C17orf113: variants seen among roughly 807,000 people sequenced by gnomAD.
The protein encoded by C17orf113 is uncharacterized protein C17orf113.
In C17orf113, 5 loss-of-function variants were observed where a neutral mutation model predicts 11.6. The ratio of observed to expected loss-of-function variants is 0.43; its 90% CI spans 0.23 to 0.91. The LOEUF is 0.91. C17orf113 is among the 40% of genes least tolerant of loss of function. C17orf113 has a pLI of 0.26. For synonymous variants in C17orf113, 327 were observed against 390.6 expected, an observed-to-expected ratio of 0.84 and a Z score of 1.92; for missense variants, 714 against 841.3, an observed-to-expected ratio of 0.85 and a Z score of 1.87.
rs2053251472 is a variant in C17orf113 at position 42,050,169 on chromosome 17, AG to A, written c.-188+387del. Among the ~76,000 whole-genome samples the A allele has an allele frequency of 6.9e-6, 1 of 144,218 alleles. No homozygotes were observed. The highest frequency in any genetic ancestry group is 7.4e-5 in the Admixed American group (1 of 13,528). 94.6% of individuals were successfully genotyped at this position (144,218 alleles called of 152,430 possible). On this transcript the variant is annotated intron_variant, in intron 1 of 2. Transcript: ENST00000587304. The surrounding 1 kb of genome is among the most constrained non-coding windows in gnomAD (Gnocchi z 5.6). ...ACACCCTGACCAGCCGGATGGGAGC[AG>A]GAACAACTTGACAAGGACCCCAAGG...
intron 2 of C17orf113, 65 bp downstream of exon 2, chr17:42,042,769 G>T: frequency 8.5e-7 from 1 of 1,182,860 alleles, no homozygotes; most frequent in Non-Finnish European, 1.1e-6. Flanking sequence ...TGCTGGGGCT[G>T]TTCCCAGGTG....
intron 1 of C17orf113, among the ~76,000 whole-genome samples, chr17:42,044,779 C>T (rs2053115270): frequency 6.6e-6 from 1 of 152,160 alleles, no homozygotes; most frequent in Admixed American, 6.6e-5. Flanking sequence ...TAGCCCAGAC[C>T]TGGGGCCTCA....
At position 42,039,508 on chromosome 17, in the gene C17orf113, C is replaced by T. The variant is rs2052951466; in HGVS notation, c.*197G>A. On this transcript the variant is annotated 3_prime_UTR_variant, in exon 3 of 3. Coordinates refer to ENST00000587304, the MANE Select transcript of C17orf113 (RefSeq NM_001358661.2). The stretch of plus-strand genomic sequence containing the variant: ...TCTCTGCCCACCCGCCCAGGCCCCT[C>T]TTGAGCCAGTCCCTTCCTCCACAGC... The T allele has an allele frequency of 2.4e-6, 1 of 416,232 alleles. No individual in the cohort carries two copies. Among genetic ancestry groups the T allele is most frequent in the Non-Finnish European group, 4.0e-6 (1 of 249,522 alleles). The allele number at this position is 416,232 out of a possible 1,614,324, so 25.8% of individuals were successfully genotyped here. A position where few individuals can be genotyped will look rare whatever the true frequency, so the allele number is the denominator to read the frequency against.
chr17:42,041,567 A>G (rs1329765480), intron 2 of C17orf113, among the ~76,000 whole-genome samples: 1 of 152,182 alleles, frequency 6.6e-6, no homozygotes, highest in Non-Finnish European at 1.5e-5. Flanking sequence ...ATGAATCATA[A>G]AGAGCTCTAG....
rs551613729 is a variant in C17orf113, at chr17:42,042,713, T to C, written c.543+121A>G. The C allele has an allele frequency of 1.4e-5, 10 of 708,928 alleles. No individual in the cohort carries two copies. The African/African-American group carries it at 1.7e-4, about 12-fold the overall frequency. 43.9% of individuals were successfully genotyped at this position (708,928 alleles called of 1,614,324 possible). A position where few individuals can be genotyped will look rare whatever the true frequency, so the allele number is the denominator to read the frequency against. ...GGCTCTCAGGGAAGGTTCTGAAGGG[T>C]GAAGATATGAATGAAATGCCCTAGC... On this transcript the variant is annotated intron_variant, in intron 2 of 2. Transcript: ENST00000587304.
chr17:42,040,503 A>G lies in C17orf113; in HGVS notation c.1230T>C (p.Ser410=). 8.1e-7 allele frequency: 1 copy of G among 1,232,616 alleles called. No individual in the cohort carries two copies. The highest frequency in any genetic ancestry group is 3.2e-5 in the East Asian group (1 of 31,704). 76.4% of individuals were successfully genotyped at this position (1,232,616 alleles called of 1,614,324 possible). ...FTHLLLDALP[S]VQKLSLVLQA... Reference sequence around the variant, plus strand: ...GCAGGACAAGGGAGAGCTTCTGCACAGAGGGCAGGGCATCCAGCAGCAGGT... The same window carrying G: ...GCAGGACAAGGGAGAGCTTCTGCACGGAGGGCAGGGCATCCAGCAGCAGGT... The change falls in exon 3 of 3, where the codon TCT becomes TCC. Residue 410 remains serine (S), a synonymous_variant. Transcript: ENST00000587304.
chr17:42,043,239 G>A lies in C17orf113; in HGVS notation c.138C>T (p.Leu46=), dbSNP rs782390728. The part of the protein sequence containing the change: ...FDYERKLMFC[L]ECRQALVRNK... ...TCCGTACCAGGGCCTGGCGGCACTC[G>A]AGGCAGAACATCAGCTTCCGCTCAT... The change falls in exon 2 of 3, where the codon CTC becomes CTT. Residue 46 remains leucine, a synonymous_variant. Transcript: ENST00000587304. 5.7e-6 allele frequency: 7 copies of A among 1,232,224 alleles called. No individual in the cohort carries two copies. The highest frequency in any genetic ancestry group is 7.1e-6 in the Non-Finnish European group (7 of 987,996). The allele number at this position is 1,232,224 out of a possible 1,614,324, so 76.3% of individuals were successfully genotyped here. A position where few individuals can be genotyped will look rare whatever the true frequency, so the allele number is the denominator to read the frequency against.
In C17orf113 at chr17:42,043,208, G is replaced by GC. The variant is rs2053068401; in HGVS notation, c.168dup (p.His57AlafsTer43). On this transcript the variant is annotated frameshift_variant, in exon 2 of 3. Coordinates refer to ENST00000587304, the MANE Select transcript of C17orf113 (RefSeq NM_001358661.2). LOFTEE classifies it high-confidence loss of function. ...GTGAAGGCGTTTTCGGCTTTGCCAT[G>GC]CTTGTTCCGTACCAGGGCCTGGCGG... The GC allele has an allele frequency of 8.1e-7, 1 of 1,232,274 alleles. No individual in the cohort carries two copies. The allele number at this position is 1,232,274 out of a possible 1,614,324, so 76.3% of individuals were successfully genotyped here. A position where few individuals can be genotyped will look rare whatever the true frequency, so the allele number is the denominator to read the frequency against.
At chr17:42,048,636 CA>C (rs1349693852) in intron 1 of C17orf113, among the ~76,000 whole-genome samples, 1 of 152,170 alleles carries the variant, frequency 6.6e-6, no homozygotes, top group Non-Finnish European at 1.5e-5. Context: ...GTGCCCTGTC[CA>C]GAAACCTGCC....
In C17orf113 at chr17:42,039,991, G is replaced by A. The variant is rs1352310376; in HGVS notation, c.1742C>T (p.Thr581Ile). The A allele has an allele frequency of 8.1e-7, 1 of 1,231,084 alleles. No homozygotes were observed. Among genetic ancestry groups the A allele is most frequent in the Non-Finnish European group, 1.0e-6 (1 of 987,480 alleles). 76.3% of individuals were successfully genotyped at this position (1,231,084 alleles called of 1,614,324 possible). The change falls in exon 3 of 3, where the codon ACC becomes ATC. Residue 581 changes from threonine to isoleucine, a missense_variant. Around this residue, in one of 3 missense-constraint regions of C17orf113, gnomAD observed 194 missense variants for 197.2 expected, o/e 0.98. Transcript: ENST00000587304. ...LGRLGPRALC[T>I]QLACAHSELH... ...CTCCGAGTGCGCGCACGCCAGCTGG[G>A]TGCACAGGGCCCGCGGGCCGAGCCG...
At position 42,039,406 on chromosome 17, in the gene C17orf113, GA is replaced by G. The variant is rs1176476853; in HGVS notation, c.*298del. The G allele has an allele frequency of 7.4e-5, 23 of 308,858 alleles. No homozygotes were observed. Among genetic ancestry groups the G allele is most frequent in the Non-Finnish European group, 1.4e-4 (23 of 169,666 alleles). 19.1% of individuals were successfully genotyped at this position (308,858 alleles called of 1,614,324 possible). On this transcript the variant is annotated 3_prime_UTR_variant, in exon 3 of 3. Transcript: ENST00000587304. Reference sequence around the variant, plus strand: ...GGGACCCAAACTTGCCCCGAGTCCAGAAGGGAAAAGGGTGAGCTACTCCTCA... The same window carrying G: ...GGGACCCAAACTTGCCCCGAGTCCAGAGGGAAAAGGGTGAGCTACTCCTCA...
chr17:42,041,723 G>T (rs2053026928), intron 2 of C17orf113, among the ~76,000 whole-genome samples: 1 of 152,104 alleles, frequency 6.6e-6, no homozygotes, highest in African/African-American at 2.4e-5. Context: ...GGTCCCAGCT[G>T]TGTGCTGTTT....
chr17:42,040,828 G>T lies in C17orf113; in HGVS notation c.905C>A (p.Thr302Lys). The change falls in exon 3 of 3, where the codon ACA (threonine) becomes AAA (lysine). Residue 302 changes from threonine (T) to lysine (K), a missense_variant. Physicochemically the swap from Thr to Lys is moderately conservative, Grantham distance 78 (BLOSUM62 -1). Transcript: ENST00000587304. ...CAAGTAGGCCGGGGGCTCAGGATCT[G>T]TCCGGCCAGGGAGACAATGCAGCTC... ...LAELHCLPGR[T>K]DPEPPAYLGQ... 1 of 1,232,350 alleles carries T rather than the reference G, an allele frequency of 8.1e-7. No individual in the cohort carries two copies. Among genetic ancestry groups the T allele is most frequent in the Non-Finnish European group, 1.0e-6 (1 of 988,082 alleles). 76.3% of individuals were successfully genotyped at this position (1,232,350 alleles called of 1,614,324 possible).
rs2052956710 is a variant in C17orf113, at chr17:42,039,645, G to C, written c.*60C>G. ...CTTGGGTGCAGCATGGTCAAGTCTA[G>C]GTTGGCCCTTACAGTGCCCAGGGCC... On this transcript the variant is annotated 3_prime_UTR_variant, in exon 3 of 3. Transcript: ENST00000587304. 8.2e-7 allele frequency: 1 copy of C among 1,212,950 alleles called. No homozygotes were observed. Among genetic ancestry groups the C allele is most frequent in the East Asian group, 3.2e-5 (1 of 31,596 alleles). The allele number at this position is 1,212,950 out of a possible 1,614,324, so 75.1% of individuals were successfully genotyped here.
At chr17:42,046,234 A>T (rs571241035) in intron 1 of C17orf113, among the ~76,000 whole-genome samples, 2 of 152,076 alleles carry the variant, frequency 1.3e-5, no homozygotes, top group Admixed American at 1.3e-4. Context: ...GTTCATTTTC[A>T]TATCTCGTAA....
intron 2 of C17orf113, among the ~76,000 whole-genome samples, chr17:42,042,047 A>C (rs1439323992): frequency 6.6e-6 from 1 of 152,124 alleles, no homozygotes; most frequent in Non-Finnish European, 1.5e-5. Flanking sequence ...CATTATGAAA[A>C]CCAATTAAAC....
At position 42,040,629 on chromosome 17, in the gene C17orf113, C is replaced by A. The variant is rs2052995366; in HGVS notation, c.1104G>T (p.Trp368Cys). 1 of 1,232,372 alleles carries A rather than the reference C, an allele frequency of 8.1e-7. No individual in the cohort carries two copies. The highest frequency in any genetic ancestry group is 1.0e-6 in the Non-Finnish European group (1 of 988,124). 76.3% of individuals were successfully genotyped at this position (1,232,372 alleles called of 1,614,324 possible). Residue 368 changes from tryptophan to cysteine, a missense_variant, in exon 3 of 3, where the codon TGG becomes TGT. Physicochemically the swap from Trp to Cys is radical, Grantham distance 215 (BLOSUM62 -2). Around this residue, in one of 3 missense-constraint regions of C17orf113, gnomAD observed 516 missense variants for 626.6 expected, o/e 0.82. Coordinates refer to ENST00000587304, the MANE Select transcript of C17orf113 (RefSeq NM_001358661.2). Reference protein sequence around the residue: ...LPVVEAVAEAWPGLVPTLEAA... With the variant: ...LPVVEAVAEACPGLVPTLEAA... ...CCTCCAGGGTGGGCACCAGGCCAGG[C>A]CAGGCCTCGGCCACTGCTTCCACTA...
In C17orf113 at chr17:42,039,258, GAA is replaced by G; in HGVS notation, c.*445_*446del. 1 of 153,392 alleles carries G rather than the reference GAA, an allele frequency of 6.5e-6. No homozygotes were observed. Among genetic ancestry groups the G allele is most frequent in the Non-Finnish European group, 1.4e-5 (1 of 69,882 alleles). 9.5% of individuals were successfully genotyped at this position (153,392 alleles called of 1,614,324 possible). A position where few individuals can be genotyped will look rare whatever the true frequency, so the allele number is the denominator to read the frequency against. On this transcript the variant is annotated 3_prime_UTR_variant, in exon 3 of 3. Coordinates refer to ENST00000587304, the MANE Select transcript of C17orf113 (RefSeq NM_001358661.2). ...AGAGCAAGACTCCATCTCAAAAAAA[GAA>G]AAAAAAAGAAAAGAAAAAGAAAGAA...
Position 42,040,121 on chromosome 17 carries a change from C to T in C17orf113, c.1612G>A (p.Glu538Lys). The T allele has an allele frequency of 8.1e-7, 1 of 1,231,418 alleles. No homozygotes were observed. The allele number at this position is 1,231,418 out of a possible 1,614,324, so 76.3% of individuals were successfully genotyped here. Residue 538 changes from glutamate (E) to lysine (K), a missense_variant, in exon 3 of 3, where the codon GAG becomes AAG. This residue lies in a region of C17orf113 where 194 missense variants were observed against 197.2 expected (regional missense o/e 0.98). Transcript: ENST00000587304. The part of the protein sequence containing the change: ...QAPEELGTHG[E>K]GALRVLLRGF... ...CGCAGCAGCACCCGCAGCGCCCCCT[C>T]GCCATGCGTGCCCAGCTCCTCCGGC...
Sources: gnomAD v4.1 joint callset for allele counts (sites outside exome capture counted in the v4.1 genomes callset) on GRCh38, gnomAD v4.1.1 for gene constraint, gnomAD v4.1.1 regional missense constraint, Gnocchi (gnomAD v3.1) non-coding constraint, MANE v1.5 for transcripts, NCBI Gene and HGNC (gene_info 2026-07-23, HGNC 2026-07-21) for gene names.